ADCY8: variants seen among roughly 807,000 people sequenced by gnomAD.
ADCY8 encodes adenylate cyclase 8.
In ADCY8, 51 loss-of-function variants were observed where a neutral mutation model predicts 119.7. The ratio of observed to expected loss-of-function variants is 0.43; its 90% CI spans 0.34 to 0.54. The LOEUF (loss-of-function observed/expected upper bound fraction) is 0.54. Among genes scored for constraint, ADCY8 ranks in the 20% least tolerant of loss-of-function variants. The pLI is 0.03. For synonymous variants in ADCY8, 665 were observed against 651.0 expected (o/e 1.02, Z -0.33); for missense variants, 1,383 against 1,598.8 (o/e 0.87, Z 2.30).
intron 12 of ADCY8, 32 bp from the exon 13 acceptor site, chr8:130,821,452 G>A: frequency 6.4e-7 from 1 of 1,555,372 alleles, no homozygotes; most frequent in Non-Finnish European, 8.9e-7. Context: ...TGATAACCAT[G>A]GGGGGACTTC....
At chr8:130,835,629 C>A (rs1269382858) in intron 12 of ADCY8, among the ~76,000 whole-genome samples, 1 of 152,020 alleles carries the variant, frequency 6.6e-6, no homozygotes, top group Non-Finnish European at 1.5e-5. Flanking sequence ...ATACGTTTGT[C>A]CCTTGGTATC....
chr8:130,823,882 T>A (rs925352340), intron 12 of ADCY8, among the ~76,000 whole-genome samples: 1 of 152,254 alleles, frequency 6.6e-6, no homozygotes, highest in African/African-American at 2.4e-5. Flanking sequence ...TACTGTTTCG[T>A]AAGCTACTTC....
At position 131,029,532 on chromosome 8, in the gene ADCY8, G is replaced by T. The variant is rs142879347; in HGVS notation, c.960+9842C>A. ...AAGAGAACAAGAGGGTGATGTATTT[G>T]CTAGCAATTGGACTCTATTTTGAGT... On this transcript the variant is annotated intron_variant, in intron 1 of 17. Coordinates refer to ENST00000286355, the MANE Select transcript of ADCY8 (RefSeq NM_001115.3). Among the ~76,000 whole-genome samples, 1,053 of 152,230 alleles carry T rather than the reference G, an allele frequency of 6.9e-3. 15 individuals are homozygous for T. The highest frequency in any genetic ancestry group is 0.023 in the African/African-American group (973 of 41,530).
In ADCY8 at chr8:131,040,456, C is replaced by G; in HGVS notation, c.-123G>C. 2 of 1,243,292 alleles carry G rather than the reference C, an allele frequency of 1.6e-6. No individual in the cohort carries two copies. The highest frequency in any genetic ancestry group is 5.9e-5 in the East Asian group (2 of 34,140). 77.0% of individuals were successfully genotyped at this position (1,243,292 alleles called of 1,614,324 possible). ...GGATCCTTTTTATCCTAGGCTGCCC[C>G]GTTGCAGGAGCCCTGCGCTAGGGCT... is the stretch of plus-strand genomic sequence containing the variant. On this transcript the variant is annotated 5_prime_UTR_variant, in exon 1 of 18. Coordinates refer to ENST00000286355, the MANE Select transcript of ADCY8 (RefSeq NM_001115.3).
chr8:130,951,365 G>A (rs545408594), intron 3 of ADCY8, among the ~76,000 whole-genome samples: 1 of 152,304 alleles, frequency 6.6e-6, no homozygotes, highest in South Asian at 2.1e-4. Context: ...TGCATGGATG[G>A]GGGAGTAAGT....
intron 2 of ADCY8, among the ~76,000 whole-genome samples, chr8:130,980,945 A>G (rs1392085833): frequency 6.6e-6 from 1 of 152,182 alleles, no homozygotes; most frequent in Non-Finnish European, 1.5e-5. Context: ...TATACACTAA[A>G]CACTCATAGC....
intron 2 of ADCY8, among the ~76,000 whole-genome samples, chr8:130,962,394 G>T (rs1465145004): frequency 6.6e-6 from 1 of 152,166 alleles, no homozygotes; most frequent in South Asian, 2.1e-4. Flanking sequence ...TTCTCTCCTG[G>T]AGCCAGACTG....
intron 16 of ADCY8, 104 bp downstream of exon 16, chr8:130,785,279 A>G (rs1278286358): frequency 2.7e-6 from 2 of 731,930 alleles, no homozygotes; most frequent in Non-Finnish European, 4.3e-6. Flanking sequence ...TTTTCTCCCC[A>G]TCTTTCCCCA....
At chr8:130,906,346 T>C (rs1388045287) in intron 6 of ADCY8, among the ~76,000 whole-genome samples, 2 of 152,192 alleles carry the variant, frequency 1.3e-5, no homozygotes, top group Non-Finnish European at 2.9e-5. Flanking sequence ...AGTACCATGG[T>C]TGATTTTCTT....
At chr8:130,871,286 T>C (rs1818344887) in intron 8 of ADCY8, among the ~76,000 whole-genome samples, 1 of 152,210 alleles carries the variant, frequency 6.6e-6, no homozygotes, top group African/African-American at 2.4e-5. Flanking sequence ...TCATCTCTGT[T>C]CTGTCCTCAC....
At position 130,823,279 on chromosome 8, in the gene ADCY8, G is replaced by T. The variant is rs149983267; in HGVS notation, c.2676-1859C>A. On this transcript the variant is annotated intron_variant, in intron 12 of 17. Transcript: ENST00000286355. ...TTTTTGAGTCATTCACTGTATTGCA[G>T]ATGGAAAAAACAGCCTGAGCACAGA... 1.5e-3 allele frequency among the ~76,000 whole-genome samples: 221 copies of T among 152,302 alleles called. 1 individual carries two copies. The highest frequency in any genetic ancestry group is 5.0e-3 in the African/African-American group (208 of 41,582).
At position 130,921,345 on chromosome 8, in the gene ADCY8, G is replaced by C. The variant is rs139010388; in HGVS notation, c.1482-11479C>G. On this transcript the variant is annotated intron_variant, in intron 5 of 17. Transcript: ENST00000286355. The stretch of plus-strand genomic sequence containing the variant: ...TAAATATGTGTGCATGTGTGTATGT[G>C]TGTATTCTACTATGTATACTTTAAA... Among the ~76,000 whole-genome samples the C allele has an allele frequency of 2.2e-3, 340 of 151,720 alleles. 3 individuals are homozygous for C. The highest frequency in any genetic ancestry group is 7.9e-3 in the African/African-American group (328 of 41,364).
intron 2 of ADCY8, among the ~76,000 whole-genome samples, chr8:130,956,215 C>G (rs1251207893): frequency 1.3e-5 from 2 of 152,180 alleles, no homozygotes; most frequent in African/African-American, 4.8e-5. Flanking sequence ...AAGTCCAGCT[C>G]TCCTTGGTTA....
intron 12 of ADCY8, among the ~76,000 whole-genome samples, chr8:130,835,719 TC>T (rs375455497): frequency 1.5e-4 from 23 of 152,098 alleles, no homozygotes; most frequent in Non-Finnish European, 1.8e-4. Context: ...CCTATACATA[TC>T]CCCCCCATGC....
chr8:130,790,092 G>A lies in ADCY8; in HGVS notation c.3061-4617C>T, dbSNP rs985829751. On this transcript the variant is annotated intron_variant, in intron 15 of 17. Coordinates refer to ENST00000286355, the MANE Select transcript of ADCY8 (RefSeq NM_001115.3). ...AGTCTTTGCCTTTGATGGGCTTGCC[G>A]TGTCCTGAGTTGCACATCCCCACAC... is the stretch of plus-strand genomic sequence containing the variant. Among the ~76,000 whole-genome samples the A allele has an allele frequency of 1.6e-4, 25 of 152,132 alleles. 1 individual carries two copies. The highest frequency in any genetic ancestry group is 1.9e-4 in the African/African-American group (8 of 41,428).
intron 7 of ADCY8, among the ~76,000 whole-genome samples, chr8:130,886,108 T>G (rs1053973134): frequency 3.3e-5 from 5 of 152,002 alleles, no homozygotes; most frequent in Non-Finnish European, 7.4e-5. Flanking sequence ...ATTGAACCCT[T>G]CATTTTAACC....
At chr8:130,835,149 C>T (rs1266223391) in intron 12 of ADCY8, among the ~76,000 whole-genome samples, 1 of 152,152 alleles carries the variant, frequency 6.6e-6, no homozygotes, top group Non-Finnish European at 1.5e-5. Context: ...TCAGCTAGTC[C>T]TGTGTGCTTC....
chr8:130,976,074 C>T (rs947832689), intron 2 of ADCY8, among the ~76,000 whole-genome samples: 13 of 152,164 alleles, frequency 8.5e-5, no homozygotes, highest in Admixed American at 8.5e-4. Flanking sequence ...GTGGAAAAGA[C>T]CTTTACATTG....
intron 1 of ADCY8, among the ~76,000 whole-genome samples, chr8:131,014,164 A>G (rs1237927668): frequency 6.6e-6 from 1 of 152,194 alleles, no homozygotes; most frequent in African/African-American, 2.4e-5. Context: ...AGCTAAAGAG[A>G]GGCATCAGTT....
Sources: allele counts gnomAD v4.1 joint callset (sites outside exome capture counted in the v4.1 genomes callset), GRCh38; gene constraint gnomAD v4.1.1; transcripts MANE v1.5; gene names NCBI Gene and HGNC (gene_info 2026-07-23, HGNC 2026-07-21).